Variants in AVEN observed in about 807,000 individuals in gnomAD.
The protein encoded by AVEN is apoptosis and caspase activation inhibitor.
In AVEN, 41 loss-of-function variants were observed where a neutral mutation model predicts 38.1. The observed-to-expected ratio is 1.08, with a 90% confidence interval of 0.84 to 1.40. AVEN has a LOEUF of 1.40. AVEN is among the 40% of genes most tolerant of loss of function. The pLI is 0.00. For synonymous variants in AVEN, 206 were observed against 171.8 expected (o/e 1.20, Z -1.56); for missense variants, 605 against 438.8 (o/e 1.38, Z -3.38).
chr15:33,946,933 A>C (rs1169781980), intron 2 of AVEN, among the ~76,000 whole-genome samples: 1 of 152,148 alleles, frequency 6.6e-6, no homozygotes, highest in East Asian at 1.9e-4. Context: ...TAAAACACTC[A>C]AGAGTCCCAC....
At chr15:34,004,166 T>C (rs1171862658) in intron 1 of AVEN, among the ~76,000 whole-genome samples, 1 of 152,178 alleles carries the variant, frequency 6.6e-6, no homozygotes, top group African/African-American at 2.4e-5. Context: ...AAATCTTAAT[T>C]CAATAGAAAA....
At chr15:33,905,067 T>C (rs372920966) in intron 2 of AVEN, among the ~76,000 whole-genome samples, 5 of 146,570 alleles carry the variant, frequency 3.4e-5, no homozygotes, top group African/African-American at 5.2e-5. Context: ...GAGGTGGAGG[T>C]TGCAGTGAGC....
chr15:34,041,408 G>T (rs1335641515), upstream of AVEN, among the ~76,000 whole-genome samples: 2 of 152,170 alleles, frequency 1.3e-5, no homozygotes, highest in Non-Finnish European at 2.9e-5. Flanking sequence ...GCAAATGTCT[G>T]GTATGAGATT....
intron 2 of AVEN, among the ~76,000 whole-genome samples, chr15:33,911,131 C>G (rs1244451658): frequency 6.6e-6 from 1 of 152,176 alleles, no homozygotes; most frequent in East Asian, 1.9e-4. Context: ...CCTTATTCCT[C>G]TCAAGACCAA....
At chr15:34,010,000 T>C (rs1458867271) in intron 1 of AVEN, among the ~76,000 whole-genome samples, 1 of 151,870 alleles carries the variant, frequency 6.6e-6, no homozygotes, top group Non-Finnish European at 1.5e-5. Flanking sequence ...TATGAACATA[T>C]AAACATATGC....
intron 2 of AVEN, among the ~76,000 whole-genome samples, chr15:34,000,900 G>A (rs1897112698): frequency 6.6e-6 from 1 of 151,932 alleles, no homozygotes; most frequent in Non-Finnish European, 1.5e-5. Flanking sequence ...TAAGCAAAGA[G>A]ACTACAAGAA....
intron 2 of AVEN, among the ~76,000 whole-genome samples, chr15:33,953,492 A>G (rs985556452): frequency 1.3e-5 from 2 of 152,194 alleles, no homozygotes; most frequent in African/African-American, 4.8e-5. Context: ...CCACACATCC[A>G]CAACCATCTG....
intron 2 of AVEN, among the ~76,000 whole-genome samples, chr15:33,915,854 G>A (rs1222940235): frequency 6.6e-6 from 1 of 152,160 alleles, no homozygotes; most frequent in Admixed American, 6.5e-5. Flanking sequence ...AAGCATGGTG[G>A]GAATGAGACT....
intron 2 of AVEN, among the ~76,000 whole-genome samples, chr15:33,896,138 G>C (rs953970397): frequency 1.3e-5 from 2 of 152,084 alleles, no homozygotes; most frequent in African/African-American, 4.8e-5. Flanking sequence ...AAACTACATA[G>C]TATTTATAGG....
chr15:33,889,360 GC>G, intron 2 of AVEN, among the ~76,000 whole-genome samples: 1 of 152,276 alleles, frequency 6.6e-6, no homozygotes, highest in South Asian at 2.1e-4. Flanking sequence ...TAAGTATCCA[GC>G]AGATTTCTTG....
chr15:33,929,017 G>T (rs962814713), intron 2 of AVEN, among the ~76,000 whole-genome samples: 1 of 152,060 alleles, frequency 6.6e-6, no homozygotes, highest in African/African-American at 2.4e-5. Flanking sequence ...GAAACTCAAA[G>T]TGACAGTCAT....
intron 2 of AVEN, among the ~76,000 whole-genome samples, chr15:33,978,205 G>A (rs1329601370): frequency 3.9e-5 from 6 of 152,154 alleles, no homozygotes; most frequent in Non-Finnish European, 4.4e-5. Context: ...CAGACTGGCC[G>A]TTCTGAACAA....
intron 2 of AVEN, among the ~76,000 whole-genome samples, chr15:34,001,819 G>A (rs984662626): frequency 6.6e-6 from 1 of 152,156 alleles, no homozygotes; most frequent in Non-Finnish European, 1.5e-5. Context: ...ATTGTTCTTA[G>A]TCTGGTGCCA....
At chr15:33,928,455 A>G (rs142985125) in intron 2 of AVEN, among the ~76,000 whole-genome samples, 2 of 152,312 alleles carry the variant, frequency 1.3e-5, no homozygotes, top group East Asian at 3.9e-4. Flanking sequence ...TATCAGAGGT[A>G]AGGAGATACT....
intron 2 of AVEN, among the ~76,000 whole-genome samples, chr15:33,880,559 G>C (rs1233574078): frequency 6.6e-6 from 1 of 152,178 alleles, no homozygotes; most frequent in East Asian, 1.9e-4. Flanking sequence ...CACCAAGTCT[G>C]AGGTCCAGCT....
chr15:33,853,137 G>GT, the AVEN span: 1 of 1,473,906 alleles, frequency 6.8e-7, no homozygotes, highest in African/African-American at 1.4e-5. Flanking sequence ...AAAATGTGGT[G>GT]TATGTTTTTT....
At chr15:34,000,151 G>A (rs769521041) in intron 2 of AVEN, among the ~76,000 whole-genome samples, 4 of 152,078 alleles carry the variant, frequency 2.6e-5, no homozygotes, top group Non-Finnish European at 5.9e-5. Flanking sequence ...TATATTCTCA[G>A]TAAGACCCCT....
At chr15:33,935,478 G>A (rs990803316) in intron 2 of AVEN, among the ~76,000 whole-genome samples, 1 of 25,188 alleles carries the variant, frequency 4.0e-5, no homozygotes, top group African/African-American at 6.0e-5. Flanking sequence ...ATATATTTGT[G>A]TATATATGTG....
At chr15:34,013,068 TG>T (rs1358562406) in intron 1 of AVEN, among the ~76,000 whole-genome samples, 13 of 146,348 alleles carry the variant, frequency 8.9e-5, no homozygotes, top group Admixed American at 2.7e-4. Context: ...TTTGTTTGTT[TG>T]TTTGTTTTTT....
Sources: gnomAD v4.1 joint callset for allele counts (sites outside exome capture counted in the v4.1 genomes callset) on GRCh38, gnomAD v4.1.1 for gene constraint, MANE v1.5 for transcripts, NCBI Gene and HGNC (gene_info 2026-07-23, HGNC 2026-07-21) for gene names.